Variants in NBAS observed in about 807,000 individuals in gnomAD.
NBAS encodes the protein NAG/BC035112 fusion.
In NBAS, 219 loss-of-function variants were observed where a neutral mutation model predicts 302.5. The ratio of observed to expected loss-of-function variants is 0.72; its 90% CI spans 0.65 to 0.81. The LOEUF (loss-of-function observed/expected upper bound fraction) is 0.81, where lower values mean the gene tolerates loss of function less well. Among genes scored for constraint, NBAS ranks in the 30% least tolerant of loss-of-function variants. The pLI, the probability that NBAS is intolerant of heterozygous loss-of-function variation, is 0.00. For synonymous variants in NBAS, 1,118 were observed against 1,021.6 expected (o/e 1.09, Z -1.80); for missense variants, 2,932 against 2,841.6 (o/e 1.03, Z -0.72).
chr2:14,946,676 C>T, the NBAS span, among the ~76,000 whole-genome samples: 1 of 152,152 alleles, frequency 6.6e-6, no homozygotes, highest in Non-Finnish European at 1.5e-5. Context: ...CTATACTAGA[C>T]CTAATAGACC....
At chr2:15,056,118 A>C in the NBAS span, among the ~76,000 whole-genome samples, 1 of 148,562 alleles carries the variant, frequency 6.7e-6, no homozygotes, top group Admixed American at 6.7e-5. Flanking sequence ...AAAAAAACTG[A>C]GAAACTGTTC....
chr2:15,286,946 C>A, intron 42 of NBAS, 127 bp downstream of exon 42: 1 of 717,812 alleles, frequency 1.4e-6, no homozygotes, highest in Non-Finnish European at 2.4e-6. Flanking sequence ...AAGAACTTAC[C>A]AAGACACTAG....
At chr2:15,328,462 C>A in intron 36 of NBAS, 150 bp from the exon 37 acceptor site, 1 of 695,698 alleles carries the variant, frequency 1.4e-6, no homozygotes, top group South Asian at 1.7e-5. Context: ...TTCCCACGAC[C>A]TAAAAAGAGA....
At chr2:14,954,078 T>C in the NBAS span, among the ~76,000 whole-genome samples, 1 of 152,144 alleles carries the variant, frequency 6.6e-6, no homozygotes, top group Non-Finnish European at 1.5e-5. Flanking sequence ...GTCTGACGAA[T>C]GTAAAAAGTG....
In NBAS at chr2:15,467,771, A is replaced by G. The variant is rs762510455; in HGVS notation, c.1911T>C (p.Ser637=). The G allele has an allele frequency of 1.9e-6, 3 of 1,594,404 alleles. No homozygotes were observed. In the South Asian group the frequency reaches 3.3e-5, roughly 18 times the overall value. ...GTGGTGAAAGCTCTTCATAGGAGAT[A>G]CTGTCAATGTCTATTTCACCAGGTA... ...FTLPGEIDID[S]ISYEELSPPD... is the part of the protein sequence containing the mutation. The change falls in exon 18 of 52, where the codon AGT becomes AGC. Residue 637 remains serine, a synonymous_variant. Transcript: ENST00000281513.
chr2:15,461,568 A>C (rs993143529), intron 20 of NBAS, 119 bp downstream of exon 20: 9 of 771,060 alleles, frequency 1.2e-5, no homozygotes, highest in Non-Finnish European at 1.9e-5. Context: ...CTCTACACTT[A>C]TTAATATTAA....
At chr2:14,856,806 A>G in the NBAS span, among the ~76,000 whole-genome samples, 12 of 152,278 alleles carry the variant, frequency 7.9e-5, no homozygotes, top group Admixed American at 2.0e-4. Context: ...AGATCTAGAA[A>G]ATAGCCTCAA....
intron 48 of NBAS, among the ~76,000 whole-genome samples, chr2:15,194,307 C>G (rs1344145179): frequency 6.6e-6 from 1 of 152,038 alleles, no homozygotes; most frequent in African/African-American, 2.4e-5. Flanking sequence ...ATTTTGAAAG[C>G]AGACAGAACA....
chr2:14,887,264 C>A, the NBAS span, among the ~76,000 whole-genome samples: 1 of 152,012 alleles, frequency 6.6e-6, no homozygotes, highest in Non-Finnish European at 1.5e-5. Flanking sequence ...ATTATTCGGG[C>A]ATGGTGGCAC....
chr2:15,443,417 A>G (rs1350552412), intron 21 of NBAS, among the ~76,000 whole-genome samples: 2 of 152,150 alleles, frequency 1.3e-5, no homozygotes, highest in Non-Finnish European at 2.9e-5. Flanking sequence ...GATTGTCTCA[A>G]CAGATGCAGA....
intron 29 of NBAS, among the ~76,000 whole-genome samples, chr2:15,380,090 A>G (rs1674959729): frequency 6.6e-6 from 1 of 152,212 alleles, no homozygotes; most frequent in East Asian, 1.9e-4. Context: ...ACCAAAATTA[A>G]GCATAATATT....
intron 45 of NBAS, 137 bp downstream of exon 45, chr2:15,238,331 C>G (rs535634932): frequency 2.4e-6 from 2 of 824,324 alleles, no homozygotes; most frequent in South Asian, 3.4e-5. Flanking sequence ...AGAGGTTAAC[C>G]AATAAAGGCT....
At chr2:14,867,309 TTGAGGGG>T in the NBAS span, among the ~76,000 whole-genome samples, 3 of 151,902 alleles carry the variant, frequency 2.0e-5, no homozygotes, top group Non-Finnish European at 4.4e-5. Flanking sequence ...CTCAGGAGGG[TTGAGGGG>T]TAGTAGATTG....
the NBAS span, among the ~76,000 whole-genome samples, chr2:15,050,301 T>C: frequency 6.6e-6 from 1 of 152,178 alleles, no homozygotes; most frequent in East Asian, 1.9e-4. Context: ...TCTTTCCTTC[T>C]TTCTTCTTTC....
At chr2:14,793,676 C>T in the NBAS span, among the ~76,000 whole-genome samples, 2 of 152,124 alleles carry the variant, frequency 1.3e-5, no homozygotes, top group African/African-American at 4.8e-5. Context: ...AAAAAATGTT[C>T]CAAATTTGGT....
rs577779110 is a variant in NBAS at position 15,328,187 on chromosome 2, C to T, written c.4461+12G>A. 6.0e-5 allele frequency: 97 copies of T among 1,606,088 alleles called. No individual in the cohort carries two copies. The Middle Eastern group carries it at 2.2e-3, about 37-fold the overall frequency. Reference sequence around the variant, plus strand: ...ACAGTTAAATCTATCTTCCTAGACACGCTGTCCTTACCTCAGCGACAAAAG... The same window carrying T: ...ACAGTTAAATCTATCTTCCTAGACATGCTGTCCTTACCTCAGCGACAAAAG... On this transcript the variant is annotated intron_variant, in intron 37 of 51. Coordinates refer to ENST00000281513, the MANE Select transcript of NBAS (RefSeq NM_015909.4).
At chr2:14,819,318 T>C in the NBAS span, among the ~76,000 whole-genome samples, 3 of 152,218 alleles carry the variant, frequency 2.0e-5, no homozygotes, top group Non-Finnish European at 4.4e-5. Context: ...CTTCCAATCC[T>C]AGAAGACCAG....
intron 47 of NBAS, among the ~76,000 whole-genome samples, chr2:15,222,546 T>C (rs763955834): frequency 6.6e-6 from 1 of 152,228 alleles, no homozygotes; most frequent in Non-Finnish European, 1.5e-5. Context: ...CTATGCACCA[T>C]GAATTATATC....
the NBAS span, among the ~76,000 whole-genome samples, chr2:15,005,374 T>C: frequency 6.6e-6 from 1 of 152,282 alleles, no homozygotes; most frequent in African/African-American, 2.4e-5. Flanking sequence ...TTTAAAGGGG[T>C]AGGATTATTT....
Sources: gnomAD v4.1 joint callset for allele counts (sites outside exome capture counted in the v4.1 genomes callset) on GRCh38, gnomAD v4.1.1 for gene constraint, MANE v1.5 for transcripts, NCBI Gene and HGNC (gene_info 2026-07-23, HGNC 2026-07-21) for gene names.